Variants in NEGR1 observed in about 807,000 individuals in gnomAD.
The protein encoded by NEGR1 is IgLON family member 4.
In NEGR1, 10 loss-of-function variants were observed where a neutral mutation model predicts 40.9. That is an observed-to-expected ratio of 0.24 (90% CI 0.15 to 0.42). The LOEUF is 0.42. Ranked by LOEUF, NEGR1 falls within the 10% of genes least tolerant of loss-of-function variation. The probability of loss-of-function intolerance (pLI) is 1.00; values close to 1 mark genes in which losing one functional copy is unlikely to be tolerated. For missense variants in NEGR1, 352 were observed against 438.9 expected, an observed-to-expected ratio of 0.80 and a Z score of 1.77; for synonymous variants, 185 against 166.8, an observed-to-expected ratio of 1.11 and a Z score of -0.84.
At chr1:72,088,014 A>C (rs1195941045) in intron 1 of NEGR1, among the ~76,000 whole-genome samples, 1 of 152,172 alleles carries the variant, frequency 6.6e-6, no homozygotes, top group Non-Finnish European at 1.5e-5. Flanking sequence ...AACTCCTAGA[A>C]AGTTTTCACC....
At chr1:71,846,166 G>T (rs1659401455) in intron 2 of NEGR1, among the ~76,000 whole-genome samples, 3 of 151,904 alleles carry the variant, frequency 2.0e-5, no homozygotes, top group Non-Finnish European at 4.4e-5. Context: ...CCTTACTCTA[G>T]GGCTGTCCTC....
intron 5 of NEGR1, among the ~76,000 whole-genome samples, chr1:71,595,011 CAG>C: frequency 6.6e-6 from 1 of 152,326 alleles, no homozygotes; most frequent in East Asian, 1.9e-4. Flanking sequence ...GAAGTAAATT[CAG>C]ACACTCCATG....
chr1:71,897,566 A>T (rs1225273160), intron 2 of NEGR1, among the ~76,000 whole-genome samples: 1 of 152,224 alleles, frequency 6.6e-6, no homozygotes, highest in East Asian at 1.9e-4. Flanking sequence ...TTTCATATTT[A>T]TACAAAAGAA....
chr1:71,849,163 GGGT>G (rs1659521510), intron 2 of NEGR1, among the ~76,000 whole-genome samples: 1 of 152,042 alleles, frequency 6.6e-6, no homozygotes, highest in Non-Finnish European at 1.5e-5. Flanking sequence ...TGATGGATCT[GGGT>G]AAAGTAAATT....
At position 71,568,829 on chromosome 1, in the gene NEGR1, C is replaced by CGTGTGTGTGTGT. The variant is rs35692576; in HGVS notation, c.940+23976_940+23987dup. Among the ~76,000 whole-genome samples, 587 of 147,564 alleles carry CGTGTGTGTGTGT rather than the reference C, an allele frequency of 4.0e-3. 8 individuals are homozygous for CGTGTGTGTGTGT. The highest frequency in any genetic ancestry group is 0.029 in the Admixed American group (425 of 14,728). ...GTGTGTGTATGTGTATATATGTATA[C>CGTGTGTGTGTGT]GTGTGTGTGTGTGTGTGTGTGTGTG... On this transcript the variant is annotated intron_variant, in intron 6 of 6. Coordinates refer to ENST00000357731, the MANE Select transcript of NEGR1 (RefSeq NM_173808.3).
At chr1:72,168,007 T>TATTA (rs34738636) in intron 1 of NEGR1, among the ~76,000 whole-genome samples, 18,807 of 68,626 alleles carry the variant, frequency 0.27, 1,622 homozygotes, top group Non-Finnish European at 0.37. Flanking sequence ...TTATTATTAT[T>TATTA]TTTTTTTTTT....
chr1:72,140,066 A>G (rs969125941), intron 1 of NEGR1, among the ~76,000 whole-genome samples: 1 of 152,058 alleles, frequency 6.6e-6, no homozygotes, highest in African/African-American at 2.4e-5. Context: ...GGTCATTTTG[A>G]GAGAACACCT....
chr1:71,661,833 C>T (rs940268062), intron 4 of NEGR1, among the ~76,000 whole-genome samples: 6 of 152,158 alleles, frequency 3.9e-5, no homozygotes, highest in Non-Finnish European at 5.9e-5. Context: ...TTAGAAGAAA[C>T]TGTATCATGG....
chr1:71,869,089 C>A (rs1441016341), intron 2 of NEGR1, among the ~76,000 whole-genome samples: 1 of 152,150 alleles, frequency 6.6e-6, no homozygotes, highest in African/African-American at 2.4e-5. Flanking sequence ...TCATCTGCAT[C>A]TTTTACCTGT....
At chr1:71,861,644 G>C (rs748957956) in intron 2 of NEGR1, among the ~76,000 whole-genome samples, 1 of 152,074 alleles carries the variant, frequency 6.6e-6, no homozygotes, top group Non-Finnish European at 1.5e-5. Flanking sequence ...TGCTAAGAAA[G>C]ATGGCTAACC....
At chr1:72,144,345 T>C (rs1332896021) in intron 1 of NEGR1, among the ~76,000 whole-genome samples, 2 of 151,844 alleles carry the variant, frequency 1.3e-5, no homozygotes, top group Non-Finnish European at 2.9e-5. Flanking sequence ...TTATCTAATA[T>C]TATCATAATT....
chr1:71,807,413 T>A (rs1232039536), intron 2 of NEGR1, among the ~76,000 whole-genome samples: 1 of 151,810 alleles, frequency 6.6e-6, no homozygotes, highest in Non-Finnish European at 1.5e-5. Context: ...AAAATAACAA[T>A]AAAACACCCT....
chr1:71,474,281 A>ATGTGTGTGTGTG (rs112956217), intron 6 of NEGR1, among the ~76,000 whole-genome samples: 90 of 143,642 alleles, frequency 6.3e-4, no homozygotes, highest in Admixed American at 1.7e-3. Flanking sequence ...AAACAGGAAA[A>ATGTGTGTGTGTG]TGTGTGTGTG....
At chr1:72,034,048 C>T (rs1350353716) in intron 1 of NEGR1, among the ~76,000 whole-genome samples, 1 of 152,176 alleles carries the variant, frequency 6.6e-6, no homozygotes, top group Non-Finnish European at 1.5e-5. Context: ...GCAGGTATTT[C>T]AGGAAGGTGA....
intron 2 of NEGR1, among the ~76,000 whole-genome samples, chr1:71,862,649 G>T (rs1046758614): frequency 6.6e-6 from 1 of 151,986 alleles, no homozygotes; most frequent in African/African-American, 2.4e-5. Flanking sequence ...TCTAAAGGAG[G>T]AGTATATATT....
chr1:71,838,647 T>TAG (rs1659126076), intron 2 of NEGR1, among the ~76,000 whole-genome samples: 1 of 152,092 alleles, frequency 6.6e-6, no homozygotes, highest in African/African-American at 2.4e-5. Context: ...TCATTCAGAG[T>TAG]AGTCTTGAAC....
At chr1:71,644,855 T>A (rs1651480249) in intron 4 of NEGR1, among the ~76,000 whole-genome samples, 1 of 151,936 alleles carries the variant, frequency 6.6e-6, no homozygotes, top group Admixed American at 6.6e-5. Flanking sequence ...AGGGGCTTAT[T>A]TCAATAACTT....
chr1:71,545,477 C>T (rs960640535), intron 6 of NEGR1, among the ~76,000 whole-genome samples: 7 of 151,664 alleles, frequency 4.6e-5, no homozygotes, highest in African/African-American at 1.7e-4. Context: ...TTTAAAAATC[C>T]AGTCTTGTAG....
intron 6 of NEGR1, among the ~76,000 whole-genome samples, chr1:71,475,882 A>G (rs1433398293): frequency 1.3e-5 from 2 of 151,996 alleles, no homozygotes. Context: ...TCTAGAGACT[A>G]TAATATCTTC....
Sources: gnomAD v4.1 joint callset for allele counts (sites outside exome capture counted in the v4.1 genomes callset) on GRCh38, gnomAD v4.1.1 for gene constraint, MANE v1.5 for transcripts, NCBI Gene and HGNC (gene_info 2026-07-23, HGNC 2026-07-21) for gene names.